Variants in PCDHA9 observed in about 807,000 individuals in gnomAD.
PCDHA9 encodes protocadherin alpha 9.
In PCDHA9, 62 loss-of-function variants were observed where a neutral mutation model predicts 62.0. The ratio of observed to expected loss-of-function variants is 1.00; its 90% CI spans 0.81 to 1.23. The LOEUF (loss-of-function observed/expected upper bound fraction) is 1.23. Ranked by LOEUF, PCDHA9 falls within the 50% of genes most tolerant of loss-of-function variation. PCDHA9 has a pLI of 0.00. For synonymous variants in PCDHA9, 557 were observed against 567.6 expected, an observed-to-expected ratio of 0.98 and a Z score of 0.27; for missense variants, 1,205 against 1,249.8, an observed-to-expected ratio of 0.96 and a Z score of 0.54.
chr5:140,882,698 G>A (rs562320262), intron 1 of PCDHA9: 18 of 1,614,200 alleles, frequency 1.1e-5, no homozygotes, highest in Middle Eastern at 1.6e-4. Context: ...AATCATTGCA[G>A]AATCTAGACC....
At chr5:140,915,686 A>G (rs1440972076) in intron 1 of PCDHA9, among the ~76,000 whole-genome samples, 2 of 150,988 alleles carry the variant, frequency 1.3e-5, no homozygotes, top group African/African-American at 2.4e-5. Flanking sequence ...AACTAGGGGT[A>G]TGGTGATGCA....
chr5:140,941,214 C>CTTTCT (rs1554214039), intron 1 of PCDHA9, among the ~76,000 whole-genome samples: 174 of 122,492 alleles, frequency 1.4e-3, no homozygotes, highest in African/African-American at 5.3e-3. Flanking sequence ...TTTCTTTCTT[C>CTTTCT]CTTTCTTTCT....
At chr5:140,941,214 C>CCTTTCTTTCTTT (rs60032403) in intron 1 of PCDHA9, among the ~76,000 whole-genome samples, 2,129 of 122,416 alleles carry the variant, frequency 0.017, 41 homozygotes, top group Non-Finnish European at 0.024. Context: ...TTTCTTTCTT[C>CCTTTCTTTCTTT]CTTTCTTTCT....
chr5:140,992,845 C>T (rs2097530741), intron 3 of PCDHA9, among the ~76,000 whole-genome samples: 1 of 152,148 alleles, frequency 6.6e-6, no homozygotes, highest in African/African-American at 2.4e-5. Context: ...TTTTGTATAA[C>T]AACCAGTTTC....
intron 1 of PCDHA9, chr5:140,870,871 G>T (rs1257856778): frequency 1.2e-6 from 2 of 1,613,826 alleles, no homozygotes; most frequent in African/African-American, 2.7e-5. Context: ...GGGCCACGTG[G>T]TGGCGAAGGT....
intron 3 of PCDHA9, among the ~76,000 whole-genome samples, chr5:140,998,221 C>G (rs1478098925): frequency 1.3e-5 from 2 of 152,160 alleles, no homozygotes; most frequent in Non-Finnish European, 2.9e-5. Flanking sequence ...TAACCACACC[C>G]AGAAATTTGT....
rs2150482736 is a variant in PCDHA9 at position 140,850,407 on chromosome 5, G to A, written c.1912G>A (p.Asp638Asn). Reference protein sequence around the residue: ...TGEISTTRALDETDAPRQRLL... With the variant: ...TGEISTTRALNETDAPRQRLL... ...CGAGATCAGCACAACGCGTGCCCTG[G>A]ACGAAACGGACGCACCGCGCCAGCG... Residue 638 changes from aspartate to asparagine, a missense_variant, in exon 1 of 4, where the codon GAC (aspartate) becomes AAC (asparagine). By Grantham distance (23) the Asp-to-Asn change is conservative. Coordinates refer to ENST00000532602, the MANE Select transcript of PCDHA9 (RefSeq NM_031857.2). 1 of 1,597,938 alleles carries A rather than the reference G, an allele frequency of 6.3e-7. No homozygotes were observed. The highest frequency in any genetic ancestry group is 1.7e-5 in the Admixed American group (1 of 59,270).
intron 1 of PCDHA9, among the ~76,000 whole-genome samples, chr5:140,970,875 AT>A (rs1213440334): frequency 6.6e-6 from 1 of 152,100 alleles, no homozygotes; most frequent in African/African-American, 2.4e-5. Flanking sequence ...TTGAGAGTAG[AT>A]TTTTCTCATG....
At chr5:140,966,710 G>C in intron 1 of PCDHA9, 1 of 1,391,664 alleles carries the variant, frequency 7.2e-7, no homozygotes, top group African/African-American at 1.5e-5. Context: ...GTGGGGCACG[G>C]CTGGGGAAGC....
Position 140,849,920 on chromosome 5 carries a change from C to A in PCDHA9, c.1425C>A (p.Phe475Leu). Residue 475 changes from phenylalanine to leucine, a missense_variant, in exon 1 of 4, where the codon TTC becomes TTA. Transcript: ENST00000532602. ...ACAACCCGCCGGGCTGCCACATCTTCACGGTGTCTGCGCGGGACGCTGACG... is the reference window on the plus strand; with the variant it reads ...ACAACCCGCCGGGCTGCCACATCTTAACGGTGTCTGCGCGGGACGCTGACG... ...KENNPPGCHI[F>L]TVSARDADAQ... is the part of the protein sequence containing the mutation. 6.3e-7 allele frequency: 1 copy of A among 1,598,384 alleles called. No individual in the cohort carries two copies. Among genetic ancestry groups the A allele is most frequent in the Non-Finnish European group, 8.6e-7 (1 of 1,167,824 alleles).
chr5:140,932,703 G>A (rs1218359293), intron 1 of PCDHA9, among the ~76,000 whole-genome samples: 2 of 151,660 alleles, frequency 1.3e-5, no homozygotes, highest in Non-Finnish European at 3.0e-5. Flanking sequence ...AACTCATATA[G>A]ACAACACAAT....
At chr5:140,884,320 A>T in intron 1 of PCDHA9, 1 of 1,613,806 alleles carries the variant, frequency 6.2e-7, no homozygotes, top group Non-Finnish European at 8.5e-7. Context: ...GGGCGTCGGC[A>T]GGCGCTGTGG....
intron 1 of PCDHA9, among the ~76,000 whole-genome samples, chr5:140,970,923 C>T (rs1009753173): frequency 1.3e-5 from 2 of 152,032 alleles, no homozygotes; most frequent in African/African-American, 4.8e-5. Flanking sequence ...ATCAGAAGTG[C>T]CTGGTGTTAG....
chr5:140,897,716 G>A (rs1554187531), intron 1 of PCDHA9, among the ~76,000 whole-genome samples: 1 of 152,144 alleles, frequency 6.6e-6, no homozygotes, highest in African/African-American at 2.4e-5. Context: ...TAATGGGATG[G>A]CTGGGTCAAA....
chr5:140,996,944 ATATT>A (rs2097754010), intron 3 of PCDHA9, among the ~76,000 whole-genome samples: 1 of 152,144 alleles, frequency 6.6e-6, no homozygotes, highest in Non-Finnish European at 1.5e-5. Flanking sequence ...TTGCATAGAA[ATATT>A]TATTTCCCTC....
At chr5:140,877,390 G>C in intron 1 of PCDHA9, 1 of 1,613,986 alleles carries the variant, frequency 6.2e-7, no homozygotes, top group Non-Finnish European at 8.5e-7. Flanking sequence ...CCTGGATGAG[G>C]CGGACGCTCC....
intron 1 of PCDHA9, chr5:140,884,185 G>T (rs1554181312): frequency 6.2e-7 from 1 of 1,613,444 alleles, no homozygotes. Context: ...CTCTGGACGA[G>T]GTGGACGCGC....
rs782417854 is a variant in PCDHA9 at position 140,967,777 on chromosome 5, G to T, written c.2395-11172G>T. On this transcript the variant is annotated intron_variant, in intron 1 of 3. Transcript: ENST00000532602. The stretch of plus-strand genomic sequence containing the variant: ...CCTCCTACCAGATCTATGTGCAGGC[G>T]ACTGACCGGGGTCCAGTGCCCATGG... 2.5e-6 allele frequency: 4 copies of T among 1,614,186 alleles called. No individual in the cohort carries two copies. The South Asian group carries it at 4.4e-5, about 18-fold the overall frequency.
At chr5:140,926,375 C>G (rs1265113344) in intron 1 of PCDHA9, 1 of 152,328 alleles carries the variant, frequency 6.6e-6, no homozygotes, top group African/African-American at 2.4e-5. Flanking sequence ...CAGGAAGAGC[C>G]CAGCTGGGCT....
Sources: allele counts gnomAD v4.1 joint callset (sites outside exome capture counted in the v4.1 genomes callset), GRCh38; gene constraint gnomAD v4.1.1; transcripts MANE v1.5; gene names NCBI Gene and HGNC (gene_info 2026-07-23, HGNC 2026-07-21).